ATP11C: variants seen among roughly 807,000 people sequenced by gnomAD.
The protein encoded by ATP11C is phospholipid-transporting ATPase IG.
In ATP11C, 36 loss-of-function variants were observed where a neutral mutation model predicts 97.4. That is an observed-to-expected ratio of 0.37 (90% CI 0.28 to 0.49). The LOEUF (loss-of-function observed/expected upper bound fraction) is 0.49. ATP11C is among the 20% of genes least tolerant of loss of function. The pLI is 0.98. For synonymous variants in ATP11C, 275 were observed against 290.9 expected, an observed-to-expected ratio of 0.95 and a Z score of 0.56; for missense variants, 730 against 824.6, an observed-to-expected ratio of 0.89 and a Z score of 1.40.
intron 5 of ATP11C, among the ~76,000 whole-genome samples, chrX:139,806,569 A>G (rs971519691): frequency 9.0e-6 from 1 of 111,058 alleles, no homozygotes; most frequent in Non-Finnish European, 1.9e-5. Context: ...GAAGAAAACA[A>G]CTAGATTTTT....
chrX:139,796,747 C>G (rs1367545353), intron 11 of ATP11C, among the ~76,000 whole-genome samples: 1 of 110,915 alleles, frequency 9.0e-6, no homozygotes, highest in African/African-American at 3.3e-5. Flanking sequence ...TCACTCCACC[C>G]TAAGATAGGA....
rs1472664518 is a variant in ATP11C at position 139,811,810 on chromosome X, G to C, written c.426+3068C>G. On this transcript the variant is annotated intron_variant, in intron 5 of 29. Transcript: ENST00000682941. Reference sequence around the variant, plus strand: ...GCCTCGGTTTCATCATCTGTAAAGAGAGGATAATAAAAATACCTACTTCAT... The same window carrying C: ...GCCTCGGTTTCATCATCTGTAAAGACAGGATAATAAAAATACCTACTTCAT... Among the ~76,000 whole-genome samples, 4 of 111,126 alleles carry C rather than the reference G, an allele frequency of 3.6e-5. No individual in the cohort carries two copies. In the East Asian group the frequency reaches 8.4e-4, roughly 23 times the overall value.
At chrX:139,915,730 AT>A (rs2085145364) in intron 1 of ATP11C, among the ~76,000 whole-genome samples, 1 of 112,187 alleles carries the variant, frequency 8.9e-6, no homozygotes, top group East Asian at 2.8e-4. Context: ...ATACTGGAGT[AT>A]TTTTTAATTG....
rs768705585 is a variant in ATP11C at position 139,812,876 on chromosome X, CTT to C, written c.426+2000_426+2001del. Among the ~76,000 whole-genome samples the C allele has an allele frequency of 3.1e-4, 35 of 112,021 alleles. No individual in the cohort carries two copies. The South Asian group carries it at 0.013, about 41-fold the overall frequency. On this transcript the variant is annotated intron_variant, in intron 5 of 29. Transcript: ENST00000682941. The stretch of plus-strand genomic sequence containing the variant: ...TGAGTTTCTACAGTTGTTTCAAAAA[CTT>C]CAGATCTTAACCTAACCTAGTTCGG...
chrX:139,870,876 G>A (rs2084362040), intron 1 of ATP11C, among the ~76,000 whole-genome samples: 1 of 110,001 alleles, frequency 9.1e-6, no homozygotes, highest in African/African-American at 3.3e-5. Flanking sequence ...CTAACACGGT[G>A]AAACCCCGTC....
At chrX:139,814,280 T>C (rs887463398) in intron 5 of ATP11C, among the ~76,000 whole-genome samples, 6 of 111,191 alleles carry the variant, frequency 5.4e-5, no homozygotes, top group African/African-American at 1.6e-4. Flanking sequence ...AAGTCTCTTA[T>C]GTTGCTGATG....
At chrX:139,824,737 G>A (rs968195192) in intron 2 of ATP11C, among the ~76,000 whole-genome samples, 2 of 111,423 alleles carry the variant, frequency 1.8e-5, no homozygotes, top group Non-Finnish European at 3.8e-5. Context: ...CTTAAAGTAG[G>A]TCAAAATGTT....
chrX:139,788,616 T>A (rs1391456823), intron 13 of ATP11C, among the ~76,000 whole-genome samples: 1 of 112,023 alleles, frequency 8.9e-6, no homozygotes, highest in East Asian at 2.8e-4. Flanking sequence ...GACTTCTTCA[T>A]GGCCTAAAAA....
chrX:139,903,215 G>C (rs1369124417), intron 1 of ATP11C, among the ~76,000 whole-genome samples: 1 of 111,626 alleles, frequency 9.0e-6, no homozygotes, highest in Non-Finnish European at 1.9e-5. Flanking sequence ...TGGTATTATG[G>C]TATATACTGG....
rs2081781809 is a variant in ATP11C at position 139,750,172 on chromosome X, A to T, written c.2701-20T>A. ...CAGTGGCTAAAATGAAAAACAACAG[A>T]GGAAAGAAAGAAATTTCATGTAACA... On this transcript the variant is annotated intron_variant, in intron 23 of 29. Transcript: ENST00000682941. 2.6e-6 allele frequency: 3 copies of T among 1,150,445 alleles called. No individual in the cohort carries two copies. Among genetic ancestry groups the T allele is most frequent in the Middle Eastern group, 2.4e-4 (1 of 4,127 alleles). The allele number at this position is 1,150,445 out of a possible 1,213,427, so 94.8% of individuals were successfully genotyped here.
At chrX:139,863,491 C>T (rs1178741473) in intron 1 of ATP11C, among the ~76,000 whole-genome samples, 1 of 110,842 alleles carries the variant, frequency 9.0e-6, no homozygotes, top group Non-Finnish European at 1.9e-5. Flanking sequence ...CGAGACTGGG[C>T]CACTGCACTC....
chrX:139,790,072 G>A (rs1306950239), intron 12 of ATP11C, among the ~76,000 whole-genome samples: 1 of 109,072 alleles, frequency 9.2e-6, no homozygotes, highest in Non-Finnish European at 1.9e-5. Flanking sequence ...AACTAAGAAC[G>A]CTTCTCATTT....
At chrX:139,756,199 C>T (rs749018757) in intron 23 of ATP11C, among the ~76,000 whole-genome samples, 3 of 111,814 alleles carry the variant, frequency 2.7e-5, no homozygotes, top group South Asian at 7.4e-4. Flanking sequence ...AAGACATACA[C>T]GCAGCCAACA....
chrX:139,826,798 C>T lies in ATP11C; in HGVS notation c.53G>A (p.Gly18Asp), dbSNP rs754737319. ...RFCAGEEKRV[G>D]TRTVFVGNHP... Reference sequence around the variant, plus strand: ...ATTGCCAACAAACACTGTGCGTGTGCCAACTCGTTTCTCTTCTCCAGCACA... The same window carrying T: ...ATTGCCAACAAACACTGTGCGTGTGTCAACTCGTTTCTCTTCTCCAGCACA... The change falls in exon 2 of 30, where the codon GGC becomes GAC. Residue 18 changes from glycine to aspartate, a missense_variant. Physicochemically the swap from Gly to Asp is moderately conservative, Grantham distance 94 (BLOSUM62 -1). Coordinates refer to ENST00000682941, the MANE Select transcript of ATP11C (RefSeq NM_001353812.2). 3.3e-6 allele frequency: 4 copies of T among 1,207,581 alleles called. No individual in the cohort carries two copies. Among genetic ancestry groups the T allele is most frequent in the Non-Finnish European group, 4.5e-6 (4 of 893,016 alleles).
chrX:139,759,602 G>T (rs2082000025), intron 22 of ATP11C, among the ~76,000 whole-genome samples: 1 of 111,668 alleles, frequency 9.0e-6, no homozygotes, highest in Non-Finnish European at 1.9e-5. Flanking sequence ...TGTCACTGAA[G>T]TACTCCGGGA....
chrX:139,883,710 TAAG>T (rs991271121), intron 1 of ATP11C, among the ~76,000 whole-genome samples: 10 of 111,159 alleles, frequency 9.0e-5, no homozygotes, highest in African/African-American at 3.3e-4. Flanking sequence ...GAAAATTAAA[TAAG>T]AAGATGTGGC....
intron 2 of ATP11C, among the ~76,000 whole-genome samples, chrX:139,822,660 C>T (rs925378888): frequency 1.8e-5 from 2 of 110,099 alleles, no homozygotes; most frequent in Non-Finnish European, 3.8e-5. Context: ...GCAATCTGCC[C>T]GCCTCGGCCT....
At chrX:139,731,420 G>GA (rs1177567502) in intron 29 of ATP11C, among the ~76,000 whole-genome samples, 2 of 112,006 alleles carry the variant, frequency 1.8e-5, no homozygotes, top group Non-Finnish European at 3.8e-5. Flanking sequence ...ATTTGGCTCT[G>GA]AAAAATGTTT....
chrX:139,909,583 C>T (rs1489878698), intron 1 of ATP11C, among the ~76,000 whole-genome samples: 1 of 111,282 alleles, frequency 9.0e-6, no homozygotes, highest in Non-Finnish European at 1.9e-5. Context: ...CAAGTGAATA[C>T]AAAATATGGA....
Sources: gnomAD v4.1 joint callset for allele counts (sites outside exome capture counted in the v4.1 genomes callset) on GRCh38, gnomAD v4.1.1 for gene constraint, MANE v1.5 for transcripts, NCBI Gene and HGNC (gene_info 2026-07-23, HGNC 2026-07-21) for gene names.